The following KDM2B variants were observed in gnomAD, a reference collection of about 807,000 sequenced individuals.
The protein encoded by KDM2B is lysine-specific demethylase 2B.
In KDM2B, 26 loss-of-function variants were observed where a neutral mutation model predicts 150.0. The ratio of observed to expected loss-of-function variants is 0.17; its 90% CI spans 0.13 to 0.24. The LOEUF (loss-of-function observed/expected upper bound fraction) is 0.24. Among genes scored for constraint, KDM2B ranks in the 10% least tolerant of loss-of-function variants. The pLI, the probability that KDM2B is intolerant of heterozygous loss-of-function variation, is 1.00. For missense variants in KDM2B, 1,265 were observed against 1,816.9 expected (o/e 0.70, Z 5.52); for synonymous variants, 734 against 729.5 (o/e 1.01, Z -0.10).
rs138488388 is a variant in KDM2B, at chr12:121,439,677, G to A, written c.3829+180C>T. Reference sequence around the variant, plus strand: ...TTACGGGCGTGAGCTACCGCACCCGGCCAACAGTAACTCTTTGTTTACTGT... The same window carrying A: ...TTACGGGCGTGAGCTACCGCACCCGACCAACAGTAACTCTTTGTTTACTGT... On this transcript the variant is annotated intron_variant, in intron 22 of 22. Coordinates refer to ENST00000377071, the MANE Select transcript of KDM2B (RefSeq NM_032590.5). Among the ~76,000 whole-genome samples the A allele has an allele frequency of 4.7e-4, 72 of 152,264 alleles. 1 individual carries two copies. The East Asian group carries it at 0.013, about 27-fold the overall frequency.
chr12:121,408,730 A>G, the KDM2B span, among the ~76,000 whole-genome samples: 1 of 152,230 alleles, frequency 6.6e-6, no homozygotes, highest in African/African-American at 2.4e-5. Context: ...AGAAGGACAA[A>G]AACACTTTGA....
rs544204177 is a variant in KDM2B, at chr12:121,465,574, A to C, written c.1735-12230T>G. Among the ~76,000 whole-genome samples, 9 of 152,336 alleles carry C rather than the reference A, an allele frequency of 5.9e-5. No homozygotes were observed. The South Asian group carries it at 1.4e-3, about 25-fold the overall frequency. ...AACAGAAGTTTCTCTCAGGAGTGGC[A>C]GGACCCGAAAACATGTTTTTAAGCC... On this transcript the variant is annotated intron_variant, in intron 12 of 22. Coordinates refer to ENST00000377071, the MANE Select transcript of KDM2B (RefSeq NM_032590.5).
chr12:121,423,238 A>G, the KDM2B span: 15 of 580,428 alleles, frequency 2.6e-5, no homozygotes, highest in South Asian at 3.3e-4. This position sits in a 1 kb window ranked among gnomAD's most constrained non-coding sequence, Gnocchi z 4.3. Context: ...AAGTGCAGAG[A>G]AGTTGGGATT....
chr12:121,433,142 T>A (rs781909109), intron 22 of KDM2B: 2 of 456,708 alleles, frequency 4.4e-6, no homozygotes, highest in South Asian at 3.1e-5. Flanking sequence ...CCAGCCAGCA[T>A]TCTTCCTGGC....
At position 121,575,600 on chromosome 12, in the gene KDM2B, A is replaced by C. The variant is rs1891447156; in HGVS notation, c.350+181T>G. Among the ~76,000 whole-genome samples, 1 of 152,254 alleles carries C rather than the reference A, an allele frequency of 6.6e-6. No individual in the cohort carries two copies. The highest frequency in any genetic ancestry group is 2.4e-5 in the African/African-American group (1 of 41,476). On this transcript the variant is annotated intron_variant, in intron 3 of 22. Coordinates refer to ENST00000377071, the MANE Select transcript of KDM2B (RefSeq NM_032590.5). The surrounding 1 kb of genome is among the most constrained non-coding windows in gnomAD (Gnocchi z 4.4). ...CTGCCCAAAGTCCCTGCAAAAGACC[A>C]GTCTTTGGAGAGTGTTTCCCCTTTG...
chr12:121,578,660 C>CCCCAA, intron 2 of KDM2B, 142 bp downstream of exon 2: 2 of 321,028 alleles, frequency 6.2e-6, no homozygotes, highest in Non-Finnish European at 1.1e-5. Flanking sequence ...CCCCACCCCC[C>CCCCAA]CAGTGCTCGG....
chr12:121,481,685 T>C (rs1226019832), intron 12 of KDM2B, among the ~76,000 whole-genome samples: 1 of 152,222 alleles, frequency 6.6e-6, no homozygotes, highest in African/African-American at 2.4e-5. Context: ...TTATAGTACC[T>C]GCGTGGCTTT....
chr12:121,424,724 AAG>A (rs1491067943), downstream of KDM2B, among the ~76,000 whole-genome samples: 2 of 151,652 alleles, frequency 1.3e-5, no homozygotes, highest in African/African-American at 2.4e-5. Context: ...AAAAAAAAAA[AAG>A]AAAAAAAAGA....
intron 11 of KDM2B, among the ~76,000 whole-genome samples, chr12:121,497,074 T>C (rs1383432957): frequency 6.6e-6 from 1 of 151,988 alleles, no homozygotes; most frequent in Admixed American, 6.6e-5. Context: ...AACTTCCTCC[T>C]TAGCCCACAG....
chr12:121,418,495 G>C, the KDM2B span: 1 of 152,230 alleles, frequency 6.6e-6, no homozygotes, highest in Non-Finnish European at 1.5e-5. Context: ...ATTCTAAACT[G>C]CTGAAAGAAA....
chr12:121,439,235 C>T (rs1284961526), intron 22 of KDM2B, among the ~76,000 whole-genome samples: 1 of 152,152 alleles, frequency 6.6e-6, no homozygotes, highest in Admixed American at 6.5e-5. Context: ...TCTCAACACC[C>T]TGGTTGTCAG....
intron 12 of KDM2B, among the ~76,000 whole-genome samples, chr12:121,465,083 T>A (rs750385266): frequency 1.3e-5 from 2 of 151,178 alleles, no homozygotes; most frequent in Non-Finnish European, 2.9e-5. Flanking sequence ...GTGCACTGAG[T>A]GGGAAAAAAA....
At chr12:121,498,999 C>T (rs1884252135) in intron 11 of KDM2B, among the ~76,000 whole-genome samples, 1 of 151,936 alleles carries the variant, frequency 6.6e-6, no homozygotes, top group South Asian at 2.1e-4. Context: ...TTAGTAGAGA[C>T]AGGTTCTTGC....
rs577407490 is a variant in KDM2B, at chr12:121,521,185, G to A, written c.932-85C>T. 2.4e-5 allele frequency: 22 copies of A among 916,702 alleles called. No individual in the cohort carries two copies. In the African/African-American group the frequency reaches 3.4e-4, roughly 14 times the overall value. 56.8% of individuals were successfully genotyped at this position (916,702 alleles called of 1,614,324 possible). A position where few individuals can be genotyped will look rare whatever the true frequency, so the allele number is the denominator to read the frequency against. On this transcript the variant is annotated intron_variant, in intron 8 of 22. Transcript: ENST00000377071. The surrounding 1 kb of genome is among the most constrained non-coding windows in gnomAD (Gnocchi z 4.9). ...ACAAGGCTGCAGGGAGGGAGAGCGA[G>A]CGTGCAGGAGGGTGCAGGGAGTGGA...
chr12:121,458,816 G>A (rs1445162887), intron 12 of KDM2B, among the ~76,000 whole-genome samples: 3 of 151,018 alleles, frequency 2.0e-5, no homozygotes, highest in Admixed American at 2.0e-4. Context: ...GGCTGGGCAA[G>A]GTGGCTCACT....
At chr12:121,542,988 G>C (rs1888722160) in intron 6 of KDM2B, among the ~76,000 whole-genome samples, 3 of 152,180 alleles carry the variant, frequency 2.0e-5, no homozygotes, top group Non-Finnish European at 2.9e-5. Context: ...TTGTCTCTGT[G>C]AAGGTGCAAC....
rs1302537303 is a variant in KDM2B at position 121,549,221 on chromosome 12, T to G, written c.577-238A>C. On this transcript the variant is annotated intron_variant, in intron 5 of 22. Coordinates refer to ENST00000377071, the MANE Select transcript of KDM2B (RefSeq NM_032590.5). This position sits in a 1 kb window ranked among gnomAD's most constrained non-coding sequence, Gnocchi z 4.4. ...AGCTTATACCTCTAATCTAAGTGCTTTGGGAGGCTAAGGTGAGAGGGTCAC... is the reference window on the plus strand; with the variant it reads ...AGCTTATACCTCTAATCTAAGTGCTGTGGGAGGCTAAGGTGAGAGGGTCAC... Among the ~76,000 whole-genome samples the G allele has an allele frequency of 6.6e-6, 1 of 152,034 alleles. No individual in the cohort carries two copies. Among genetic ancestry groups the G allele is most frequent in the Admixed American group, 6.6e-5 (1 of 15,260 alleles).
At chr12:121,410,042 C>A in the KDM2B span, among the ~76,000 whole-genome samples, 2 of 152,008 alleles carry the variant, frequency 1.3e-5, no homozygotes, top group African/African-American at 4.8e-5. Context: ...GTAATCCCAG[C>A]TACTAGGAGG....
chr12:121,447,608 C>A (rs1231167044), intron 13 of KDM2B, among the ~76,000 whole-genome samples: 4 of 152,090 alleles, frequency 2.6e-5, no homozygotes, highest in Non-Finnish European at 5.9e-5. Context: ...CAACGCCATT[C>A]TTCTTATTTT....
Sources: allele counts gnomAD v4.1 joint callset (sites outside exome capture counted in the v4.1 genomes callset), GRCh38; gene constraint gnomAD v4.1.1; non-coding constraint Gnocchi (gnomAD v3.1); transcripts MANE v1.5; gene names NCBI Gene and HGNC (gene_info 2026-07-23, HGNC 2026-07-21).